Variants in DAW1 observed in about 807,000 individuals in gnomAD.
The protein encoded by DAW1 is dynein assembly factor with WD repeats 1.
In DAW1, 47 loss-of-function variants were observed where a neutral mutation model predicts 56.5. That is an observed-to-expected ratio of 0.83 (90% confidence interval 0.66 to 1.06). The LOEUF is 1.06. Among genes scored for constraint, DAW1 ranks in the 50% least tolerant of loss-of-function variants. The probability of loss-of-function intolerance (pLI) is 0.00; values close to 1 mark genes in which losing one functional copy is unlikely to be tolerated. For synonymous variants in DAW1, 190 were observed against 179.0 expected (o/e 1.06, Z -0.49); for missense variants, 505 against 499.3 (o/e 1.01, Z -0.11).
In DAW1 at chr2:227,900,039, G is replaced by A. The variant is rs1691501905; in HGVS notation, c.540+1758G>A. On this transcript the variant is annotated intron_variant, in intron 6 of 12. Transcript: ENST00000309931. ...ATGCTATGTTGAAGTTACTTTGCTA[G>A]TGACTGGAAATACTGCAGTGAAACA... is the stretch of plus-strand genomic sequence containing the variant. 2.0e-5 allele frequency among the ~76,000 whole-genome samples: 3 copies of A among 152,194 alleles called. No individual in the cohort carries two copies. In the South Asian group the frequency reaches 6.2e-4, roughly 31 times the overall value.
Position 227,908,912 on chromosome 2 carries a change from C to T in DAW1, c.973+1660C>T, listed in dbSNP as rs113333977. 6.4e-3 allele frequency among the ~76,000 whole-genome samples: 968 copies of T among 152,228 alleles called. 8 individuals are homozygous for T. Among genetic ancestry groups the T allele is most frequent in the African/African-American group, 0.015 (633 of 41,538 alleles). Reference sequence around the variant, plus strand: ...AGATACAGATGATGCTAAACTACATCGATACCATCTACCTGATGACCACGT... The same window carrying T: ...AGATACAGATGATGCTAAACTACATTGATACCATCTACCTGATGACCACGT... On this transcript the variant is annotated intron_variant, in intron 10 of 12. Coordinates refer to ENST00000309931, the MANE Select transcript of DAW1 (RefSeq NM_178821.3).
At chr2:227,906,110 C>A in intron 8 of DAW1, 126 bp from the exon 9 acceptor site, 1 of 606,394 alleles carries the variant, frequency 1.6e-6, no homozygotes, top group South Asian at 3.3e-5. Flanking sequence ...TATTTGTCAT[C>A]AAATATATTA....
At chr2:227,890,871 A>G (rs76495643) in intron 3 of DAW1, among the ~76,000 whole-genome samples, 9,192 of 133,746 alleles carry the variant, frequency 0.069, 949 homozygotes, top group African/African-American at 0.24. Context: ...ATGTATATGC[A>G]TTCAATAAAT....
At chr2:227,889,820 T>TAAAAAAAAAAA in intron 2 of DAW1, 36 bp from the exon 3 acceptor site, 1 of 1,522,854 alleles carries the variant, frequency 6.6e-7, no homozygotes. Context: ...AATTTTGACA[T>TAAAAAAAAAAA]AAAATAAAAG....
At chr2:227,911,249 T>TATATACATATATACACGTGTATATATAC (rs1559312544) in intron 10 of DAW1, among the ~76,000 whole-genome samples, 29 of 142,794 alleles carry the variant, frequency 2.0e-4, no homozygotes, top group African/African-American at 7.3e-4. Context: ...CATATATACA[T>TATATACATATATACACGTGTATATATAC]ATATACACGT....
chr2:227,920,351 T>TA (rs1332034307), intron 11 of DAW1, among the ~76,000 whole-genome samples: 2 of 152,150 alleles, frequency 1.3e-5, no homozygotes, highest in African/African-American at 4.8e-5. Context: ...AACAGAGTGA[T>TA]AAAAACAGAT....
chr2:227,886,866 C>T (rs1299888988), intron 2 of DAW1, among the ~76,000 whole-genome samples: 2 of 152,186 alleles, frequency 1.3e-5, no homozygotes, highest in Non-Finnish European at 2.9e-5. Context: ...AGCCTAAGTT[C>T]AGATAAGGTG....
intron 5 of DAW1, among the ~76,000 whole-genome samples, chr2:227,895,276 A>G (rs1397735362): frequency 1.3e-5 from 2 of 152,188 alleles, no homozygotes; most frequent in African/African-American, 4.8e-5. Context: ...GCCTCTTGTG[A>G]AAAGATTGGC....
chr2:227,876,780 A>G (rs1018899519), intron 1 of DAW1, among the ~76,000 whole-genome samples: 6 of 152,224 alleles, frequency 3.9e-5, no homozygotes, highest in Admixed American at 2.6e-4. Context: ...GGTCACATTT[A>G]TTAATTCATA....
At position 227,889,859 on chromosome 2, in the gene DAW1, TG is replaced by T; in HGVS notation, c.118del (p.Asp40MetfsTer5). On this transcript the variant is annotated frameshift_variant, in exon 3 of 13. Coordinates refer to ENST00000309931, the MANE Select transcript of DAW1 (RefSeq NM_178821.3). LOFTEE classifies it high-confidence loss of function. ...IDLLDLGPST[D>X]VSALVEEIQK... ...CTCTTTTTTGGGTGTATTTCAGCAC[TG>T]ATGTCAGTGCGTTAGTAGAAGAAAT... 1 of 1,591,080 alleles carries T rather than the reference TG, an allele frequency of 6.3e-7. No homozygotes were observed. Among genetic ancestry groups the T allele is most frequent in the South Asian group, 1.2e-5 (1 of 85,952 alleles).
intron 1 of DAW1, among the ~76,000 whole-genome samples, chr2:227,873,924 A>T (rs1446135755): frequency 2.6e-5 from 4 of 152,126 alleles, no homozygotes; most frequent in African/African-American, 9.7e-5. Context: ...CAAGTGATCC[A>T]CCTGTCTTGG....
At chr2:227,897,178 G>A (rs1337183651) in intron 5 of DAW1, among the ~76,000 whole-genome samples, 1 of 151,864 alleles carries the variant, frequency 6.6e-6, no homozygotes, top group Non-Finnish European at 1.5e-5. Context: ...AAAATGCCCT[G>A]GGCTGGAAAC....
At chr2:227,883,007 G>A (rs1244703230) in intron 1 of DAW1, among the ~76,000 whole-genome samples, 2 of 152,164 alleles carry the variant, frequency 1.3e-5, no homozygotes, top group African/African-American at 4.8e-5. Flanking sequence ...TAATACAGTT[G>A]TCTTAAGGAA....
At chr2:227,905,377 TA>T in intron 8 of DAW1, among the ~76,000 whole-genome samples, 1 of 152,336 alleles carries the variant, frequency 6.6e-6, no homozygotes, top group Non-Finnish European at 1.5e-5. Context: ...AACTCTTAGT[TA>T]ATTTCCCAAA....
intron 1 of DAW1, among the ~76,000 whole-genome samples, chr2:227,874,419 G>T (rs6738964): frequency 0.72 from 109,993 of 151,950 alleles, 40,022 homozygotes; most frequent in Middle Eastern, 0.82. Flanking sequence ...GTTTTCACGC[G>T]GATTGCCCCA....
At chr2:227,888,180 T>C (rs1691174644) in intron 2 of DAW1, among the ~76,000 whole-genome samples, 1 of 152,208 alleles carries the variant, frequency 6.6e-6, no homozygotes, top group South Asian at 2.1e-4. Flanking sequence ...CACCCAGTGC[T>C]AAAGCAATAG....
At chr2:227,876,849 T>C (rs1258825970) in intron 1 of DAW1, among the ~76,000 whole-genome samples, 1 of 152,250 alleles carries the variant, frequency 6.6e-6, no homozygotes, top group African/African-American at 2.4e-5. Flanking sequence ...AACTCAGTTA[T>C]GACAATTTTT....
chr2:227,876,871 A>C (rs1290470409), intron 1 of DAW1, among the ~76,000 whole-genome samples: 1 of 152,212 alleles, frequency 6.6e-6, no homozygotes, highest in Non-Finnish European at 1.5e-5. Flanking sequence ...TATTTCATTT[A>C]TTGTGTGAAG....
chr2:227,907,198 C>G lies in DAW1; in HGVS notation c.919C>G (p.Leu307Val). The change falls in exon 10 of 13, where the codon CTA (leucine) becomes GTA (valine). Residue 307 changes from leucine to valine, a missense_variant. Leu to Val is a conservative substitution (Grantham distance 32). Coordinates refer to ENST00000309931, the MANE Select transcript of DAW1 (RefSeq NM_178821.3). ...ATLTGHDDEI[L>V]DSCFDYTGKL... The stretch of plus-strand genomic sequence containing the variant: ...CTTAACAGGCCATGATGATGAAATA[C>G]TAGACAGCTGCTTTGATTACACTGG... 1 of 1,613,270 alleles carries G rather than the reference C, an allele frequency of 6.2e-7. No homozygotes were observed. Among genetic ancestry groups the G allele is most frequent in the South Asian group, 1.1e-5 (1 of 90,974 alleles).
Sources: allele counts gnomAD v4.1 joint callset (sites outside exome capture counted in the v4.1 genomes callset), GRCh38; gene constraint gnomAD v4.1.1; transcripts MANE v1.5; gene names NCBI Gene and HGNC (gene_info 2026-07-23, HGNC 2026-07-21).